Variants in SLC25A35 observed in about 807,000 individuals in gnomAD.
SLC25A35 encodes the protein solute carrier family 25, member 35.
Under a neutral mutation model 30.5 loss-of-function variants are expected in SLC25A35, and 32 were observed. The observed-to-expected ratio is 1.05, with a 90% CI of 0.79 to 1.41. The LOEUF is 1.41. Among genes scored for constraint, SLC25A35 ranks in the 40% most tolerant of loss-of-function variants. SLC25A35 has a pLI of 0.00. For synonymous variants in SLC25A35, 142 were observed against 158.1 expected (o/e 0.90, Z 0.77); for missense variants, 369 against 388.0 (o/e 0.95, Z 0.41).
At chr17:8,291,116 GAGA>G in intron 3 of SLC25A35, 140 bp from the exon 4 acceptor site, 2 of 1,335,570 alleles carry the variant, frequency 1.5e-6, no homozygotes, top group Admixed American at 2.4e-5. Flanking sequence ...CAAAAACAGT[GAGA>G]AGGAGGAAGG....
At position 8,294,594 on chromosome 17, in the gene SLC25A35, A is replaced by G; in HGVS notation, c.214T>C (p.Tyr72His). ...LQKGLAPALL[Y>H]QFLMNGIRLG... is the part of the protein sequence containing the mutation. The stretch of plus-strand genomic sequence containing the variant: ...CGGATGCCATTCATCAGGAACTGGT[A>G]CAAGAGGGCGGGGGCCAGGCCTTTC... The change falls in exon 1 of 5, where the codon TAC (tyrosine) becomes CAC (histidine). Residue 72 changes from tyrosine (Y) to histidine (H), a missense_variant. Coordinates refer to ENST00000577745, the MANE Select transcript of SLC25A35 (RefSeq NM_001320870.2). 6.2e-7 allele frequency: 1 copy of G among 1,614,216 alleles called. No individual in the cohort carries two copies.
At chr17:8,288,684 A>G (rs1186273195), downstream of SLC25A35, 2 of 1,302,102 alleles carry the variant, frequency 1.5e-6, no homozygotes, top group Non-Finnish European at 2.2e-6. Context: ...GCTAAGCCAG[A>G]CCCGGGTGGC....
At chr17:8,289,414 G>A, downstream of SLC25A35, 3 of 1,614,050 alleles carry the variant, frequency 1.9e-6, no homozygotes, top group Non-Finnish European at 2.5e-6. Flanking sequence ...AAAACCAGCA[G>A]GTGAGGGCCC....
chr17:8,295,020 A>G lies in SLC25A35; in HGVS notation c.-213T>C. ...AGTCAAGAGCTGGCAAGCAGGGAAG[A>G]GATAGAAATCTAGGAGATTCTGGTG... On this transcript the variant is annotated 5_prime_UTR_variant, in exon 1 of 5. Coordinates refer to ENST00000577745, the MANE Select transcript of SLC25A35 (RefSeq NM_001320870.2). The G allele has an allele frequency of 7.2e-7, 1 of 1,382,632 alleles. No individual in the cohort carries two copies. The highest frequency in any genetic ancestry group is 1.7e-5 in the South Asian group (1 of 59,354). 85.6% of individuals were successfully genotyped at this position (1,382,632 alleles called of 1,614,324 possible).
downstream of SLC25A35, chr17:8,289,055 G>C (rs758596981): frequency 2.5e-6 from 4 of 1,613,790 alleles, no homozygotes; most frequent in Non-Finnish European, 3.4e-6. Context: ...CCCACGTACG[G>C]GGCGAAGCGG....
At position 8,290,211 on chromosome 17, in the gene SLC25A35, C is replaced by T. The variant is rs1990377030; in HGVS notation, c.*294G>A. ...AAACTGTGCATGGGAGCAGGAGGGA[C>T]TCAAGGGTGGCAGTGGTGAGTGGGA... On this transcript the variant is annotated 3_prime_UTR_variant, in exon 5 of 5. Coordinates refer to ENST00000577745, the MANE Select transcript of SLC25A35 (RefSeq NM_001320870.2). 1 of 1,426,372 alleles carries T rather than the reference C, an allele frequency of 7.0e-7. No homozygotes were observed. The highest frequency in any genetic ancestry group is 2.9e-5 in the Admixed American group (1 of 34,598). 88.4% of individuals were successfully genotyped at this position (1,426,372 alleles called of 1,614,324 possible).
Position 8,290,661 on chromosome 17 carries a change from C to G in SLC25A35, c.747G>C (p.Gly249=), listed in dbSNP as rs1405704323. Residue 249 remains glycine, a synonymous_variant, in exon 5 of 5, where the codon GGG becomes GGC. Coordinates refer to ENST00000577745, the MANE Select transcript of SLC25A35 (RefSeq NM_001320870.2). ...CTGTCTGCAGCAGAGCGTCCAGTAT[C>G]CCCCGGTACATGAGGCCCTGAGAGT... is the stretch of plus-strand genomic sequence containing the variant. The part of the protein sequence containing the change: ...DAQGKGLMYR[G]ILDALLQTAR... 1 of 1,567,542 alleles carries G rather than the reference C, an allele frequency of 6.4e-7. No homozygotes were observed. The highest frequency in any genetic ancestry group is 8.6e-7 in the Non-Finnish European group (1 of 1,162,972).
chr17:8,290,722 T>C (rs1178531549), intron 4 of SLC25A35, 44 bp from the exon 5 acceptor site: 11 of 1,601,042 alleles, frequency 6.9e-6, no homozygotes, highest in East Asian at 2.2e-5. Context: ...GAGAAGGAGT[T>C]TGTCAGAGCC....
At chr17:8,293,915 C>CTTTTTTTTTTTTT (rs3033784) in intron 1 of SLC25A35, among the ~76,000 whole-genome samples, 1 of 132,376 alleles carries the variant, frequency 7.6e-6, no homozygotes, top group African/African-American at 2.9e-5. Context: ...AGCCCATAAT[C>CTTTTTTTTTTTTT]TTTTTTTTTT....
downstream of SLC25A35, chr17:8,289,111 G>C (rs780082409): frequency 6.2e-7 from 1 of 1,607,196 alleles, no homozygotes; most frequent in Admixed American, 1.7e-5. Flanking sequence ...GGCAGGGGCG[G>C]GGTCGGACCA....
At chr17:8,289,090 G>A (rs1990270197), downstream of SLC25A35, 1 of 1,612,568 alleles carries the variant, frequency 6.2e-7, no homozygotes, top group Non-Finnish European at 8.5e-7. Context: ...AATGGCCCCC[G>A]GCTGGCCAAT....
Position 8,294,789 on chromosome 17 carries a change from C to A in SLC25A35, c.19G>T (p.Gly7Cys), listed in dbSNP as rs747589580. 1.9e-6 allele frequency: 3 copies of A among 1,587,962 alleles called. No individual in the cohort carries two copies. In the South Asian group the frequency reaches 3.4e-5, roughly 18 times the overall value. Residue 7 changes from glycine to cysteine, a missense_variant, in exon 1 of 5, where the codon GGC becomes TGC. Transcript: ENST00000577745. ...ACACAGGCCCCGCAGGCTGCCAGGCCACTCATCAAGAAGTCCATGGTGGGA... is the reference window on the plus strand; with the variant it reads ...ACACAGGCCCCGCAGGCTGCCAGGCAACTCATCAAGAAGTCCATGGTGGGA... MDFLMSGLAACGACVFT... is the reference protein window; with the variant it reads MDFLMSCLAACGACVFT...
At chr17:8,288,891 C>G, downstream of SLC25A35, 1 of 1,614,052 alleles carries the variant, frequency 6.2e-7, no homozygotes, top group East Asian at 2.2e-5. Flanking sequence ...CGCCCAGGGG[C>G]GGCTGACTGG....
Sources: gnomAD v4.1 joint callset for allele counts (sites outside exome capture counted in the v4.1 genomes callset) on GRCh38, gnomAD v4.1.1 for gene constraint, MANE v1.5 for transcripts, NCBI Gene and HGNC (gene_info 2026-07-23, HGNC 2026-07-21) for gene names.